Variants in SLITRK5 observed in about 807,000 individuals in gnomAD.
SLITRK5 encodes the protein SLIT and NTRK like family member 5.
SLITRK5 carries 23 observed loss-of-function variants against 56.2 expected under a neutral mutation model. The observed-to-expected ratio is 0.41, with a 90% CI of 0.29 to 0.58. The LOEUF (loss-of-function observed/expected upper bound fraction) is 0.58. SLITRK5 is among the 20% of genes least tolerant of loss of function. The probability of loss-of-function intolerance (pLI) is 0.30; values close to 1 mark genes in which losing one functional copy is unlikely to be tolerated. For synonymous variants in SLITRK5, 637 were observed against 531.8 expected (o/e 1.20, Z -2.72); for missense variants, 1,289 against 1,226.6 (o/e 1.05, Z -0.76).
In SLITRK5 at chr13:87,675,971, A is replaced by T. The variant is rs1877256564; in HGVS notation, c.583A>T (p.Asn195Tyr). ...CAATCTTTTGTCCAGTTTACCCAAC[A>T]ATCTTTTCCGTTTTGTGCCCTTAAC... ...NDNLLSSLPN[N>Y]LFRFVPLTHL... The change falls in exon 2 of 2, where the codon AAT (asparagine) becomes TAT (tyrosine). Residue 195 changes from asparagine to tyrosine, a missense_variant. This residue lies in a region of SLITRK5 where 291 missense variants were observed against 286.7 expected (regional missense o/e 1.02). Coordinates refer to ENST00000683689, the MANE Select transcript of SLITRK5 (RefSeq NM_001384609.1). 2 of 1,614,048 alleles carry T rather than the reference A, an allele frequency of 1.2e-6. No individual in the cohort carries two copies. Among genetic ancestry groups the T allele is most frequent in the Non-Finnish European group, 1.7e-6 (2 of 1,180,020 alleles).
In SLITRK5 at chr13:87,674,684, T is replaced by A. The variant is rs150451632; in HGVS notation, c.-8-697T>A. 1.4e-4 allele frequency among the ~76,000 whole-genome samples: 21 copies of A among 152,284 alleles called. No homozygotes were observed. In the East Asian group the frequency reaches 3.7e-3, roughly 27 times the overall value. On this transcript the variant is annotated intron_variant, in intron 1 of 1. Coordinates refer to ENST00000683689, the MANE Select transcript of SLITRK5 (RefSeq NM_001384609.1). Reference sequence around the variant, plus strand: ...AGGACGCTGATGTGCTTTAATAGCGTGGTAGTGAAGTCCACCATCAAAGCA... The same window carrying A: ...AGGACGCTGATGTGCTTTAATAGCGAGGTAGTGAAGTCCACCATCAAAGCA...
At position 87,677,425 on chromosome 13, in the gene SLITRK5, C is replaced by G; in HGVS notation, c.2037C>G (p.Phe679Leu). ...TGCTGGTTTTCATCATGTCCGTCTT[C>G]GTGGCCGCCGGGCTCTTCGTGCTGG... ...SLLLVFIMSV[F>L]VAAGLFVLVM... is the part of the protein sequence containing the mutation. The change falls in exon 2 of 2, where the codon TTC becomes TTG. Residue 679 changes from phenylalanine to leucine, a missense_variant. This residue lies in a region of SLITRK5 where 985 missense variants were observed against 906.0 expected (regional missense o/e 1.09). Coordinates refer to ENST00000683689, the MANE Select transcript of SLITRK5 (RefSeq NM_001384609.1). This position sits in a 1 kb window ranked among gnomAD's most constrained non-coding sequence, Gnocchi z 4.7. The G allele has an allele frequency of 6.2e-6, 10 of 1,613,444 alleles. No homozygotes were observed. The highest frequency in any genetic ancestry group is 8.5e-6 in the Non-Finnish European group (10 of 1,179,986).
In SLITRK5 at chr13:87,678,097, C is replaced by G. The variant is rs1331337483; in HGVS notation, c.2709C>G (p.His903Gln). 1.2e-6 allele frequency: 2 copies of G among 1,614,096 alleles called. No homozygotes were observed. The highest frequency in any genetic ancestry group is 1.3e-5 in the African/African-American group (1 of 74,948). The change falls in exon 2 of 2, where the codon CAC (histidine) becomes CAG (glutamine). Residue 903 changes from histidine to glutamine, a missense_variant. His to Gln is a conservative substitution (Grantham distance 24, BLOSUM62 0). Transcript: ENST00000683689. ...YDLRRPHQYL[H>Q]PGAGDSRLRE... ...TGAGACGCCCCCATCAGTATTTGCACCCGGGGGCAGGGGACAGCAGGCTAC... is the reference window on the plus strand; with the variant it reads ...TGAGACGCCCCCATCAGTATTTGCAGCCGGGGGCAGGGGACAGCAGGCTAC...
intron 1 of SLITRK5, chr13:87,673,675 A>G (rs1476406755): frequency 1.5e-5 from 7 of 478,936 alleles, no homozygotes; most frequent in Non-Finnish European, 2.8e-5. Context: ...TGCGAGGTTT[A>G]TGCACTGTGG....
In SLITRK5 at chr13:87,678,171, A is replaced by C; in HGVS notation, c.2783A>C (p.Asn928Thr). The C allele has an allele frequency of 6.2e-7, 1 of 1,614,204 alleles. No individual in the cohort carries two copies. Among genetic ancestry groups the C allele is most frequent in the Non-Finnish European group, 8.5e-7 (1 of 1,180,032 alleles). The change falls in exon 2 of 2, where the codon AAC becomes ACC. Residue 928 changes from asparagine to threonine, a missense_variant. Coordinates refer to ENST00000683689, the MANE Select transcript of SLITRK5 (RefSeq NM_001384609.1). ...SPPSAVFVEP[N>T]RNEYLELKAK... ...CCGAGTGCTGTCTTTGTAGAACCCA[A>C]CCGGAACGAATATCTGGAGTTAAAA...
Position 87,676,354 on chromosome 13 carries a change from T to A in SLITRK5, c.966T>A (p.Ala322=). ...SVNSVATSSS[A]VYKPPLKPPK... ...ATTCTGTGGCCACTTCTTCCTCTGC[T>A]GTTTACAAACCCCCTTTGAAGCCCC... Residue 322 remains alanine (A), a synonymous_variant, in exon 2 of 2, where the codon GCT becomes GCA. Transcript: ENST00000683689. 1 of 1,614,146 alleles carries A rather than the reference T, an allele frequency of 6.2e-7. No homozygotes were observed. Among genetic ancestry groups the A allele is most frequent in the South Asian group, 1.1e-5 (1 of 91,086 alleles).
chr13:87,674,555 G>C (rs1877187558), intron 1 of SLITRK5: 1 of 241,044 alleles, frequency 4.1e-6, no homozygotes, highest in African/African-American at 2.3e-5. Flanking sequence ...AACTATTTCA[G>C]TGGCTTAAAG....
In SLITRK5 at chr13:87,678,820, T is replaced by C; in HGVS notation, c.*555T>C. Reference sequence around the variant, plus strand: ...CCCTTCTCATTCCTTTTCTTTGTTTTTAAAGGATGTGTTTGTATGCATTCT... The same window carrying C: ...CCCTTCTCATTCCTTTTCTTTGTTTCTAAAGGATGTGTTTGTATGCATTCT... On this transcript the variant is annotated 3_prime_UTR_variant, in exon 2 of 2. Transcript: ENST00000683689. 6.0e-6 allele frequency: 1 copy of C among 167,138 alleles called. No individual in the cohort carries two copies. The highest frequency in any genetic ancestry group is 6.5e-5 in the Admixed American group (1 of 15,292). The allele number at this position is 167,138 out of a possible 1,614,324, so 10.4% of individuals were successfully genotyped here.
chr13:87,675,340 G>A (rs1877224116), intron 1 of SLITRK5, 41 bp from the exon 2 acceptor site: 4 of 1,465,962 alleles, frequency 2.7e-6, no homozygotes, highest in Non-Finnish European at 3.8e-6. Context: ...TTAAATTTTT[G>A]TCATATTCTG....
At chr13:87,673,226 G>GAATCTGAA (rs1877122024) in intron 1 of SLITRK5, among the ~76,000 whole-genome samples, 1 of 147,740 alleles carries the variant, frequency 6.8e-6, no homozygotes, top group Non-Finnish European at 1.5e-5. Context: ...GAGAATCTGA[G>GAATCTGAA]AATGTTCAGC....
rs9582390 is a variant in SLITRK5, at chr13:87,673,491, G to A, written c.-9+1282G>A. 2,324 of 641,638 alleles carry A rather than the reference G, an allele frequency of 3.6e-3. 38 individuals carry two copies. In the African/African-American group the frequency reaches 0.047, roughly 13 times the overall value. The allele number at this position is 641,638 out of a possible 1,614,324, so 39.7% of individuals were successfully genotyped here. A position where few individuals can be genotyped will look rare whatever the true frequency, so the allele number is the denominator to read the frequency against. On this transcript the variant is annotated intron_variant, in intron 1 of 1. Transcript: ENST00000683689. ...GGGGTGGGAGGTGAATGGGGGCGGG[G>A]AAGCACAGGGAGGGAGGGGGAGGGG...
rs1163775908 is a variant in SLITRK5, at chr13:87,676,658, G to C, written c.1270G>C (p.Val424Leu). ...TCTGACAGAGAACTACATCGCTGTC[G>C]TGCGCAGGACAGACTTCCTGGAGGC... The part of the protein sequence containing the change: ...MYLTENYIAV[V>L]RRTDFLEATG... Residue 424 changes from valine to leucine, a missense_variant, in exon 2 of 2, where the codon GTG becomes CTG. Around this residue, in one of 3 missense-constraint regions of SLITRK5, gnomAD observed 985 missense variants for 906.0 expected, o/e 1.09. Transcript: ENST00000683689. 2.5e-6 allele frequency: 4 copies of C among 1,613,930 alleles called. No homozygotes were observed. The highest frequency in any genetic ancestry group is 3.4e-6 in the Non-Finnish European group (4 of 1,179,996).
intron 1 of SLITRK5, among the ~76,000 whole-genome samples, chr13:87,674,005 CAA>C (rs1375492846): frequency 6.7e-5 from 8 of 119,596 alleles, no homozygotes; most frequent in African/African-American, 1.8e-4. Flanking sequence ...CGCGCACACA[CAA>C]ACACACACAC....
intron 1 of SLITRK5, among the ~76,000 whole-genome samples, chr13:87,675,007 GCTT>G (rs1345242290): frequency 4.0e-5 from 6 of 151,790 alleles, no homozygotes; most frequent in African/African-American, 1.5e-4. Context: ...GTAAAATGGT[GCTT>G]CTTTTTTCTT....
At chr13:87,673,465 T>A in intron 1 of SLITRK5, 1 of 533,392 alleles carries the variant, frequency 1.9e-6, no homozygotes. Flanking sequence ...GGCTTTCAGA[T>A]GGGGTGGGAG....
Position 87,676,465 on chromosome 13 carries a change from C to T in SLITRK5, c.1077C>T (p.Gly359=), listed in dbSNP as rs750660557. ...PSKDLGYSNY[G]PSIAYQTKSP... is the part of the protein sequence containing the mutation. ...AGGACTTGGGCTACAGCAACTATGG[C>T]CCCAGCATCGCCTATCAGACCAAAT... is the stretch of plus-strand genomic sequence containing the variant. The change falls in exon 2 of 2, where the codon GGC becomes GGT. Residue 359 remains glycine (G), a synonymous_variant. Coordinates refer to ENST00000683689, the MANE Select transcript of SLITRK5 (RefSeq NM_001384609.1). The T allele has an allele frequency of 2.5e-6, 4 of 1,613,966 alleles. No homozygotes were observed. The African/African-American group carries it at 5.3e-5, about 22-fold the overall frequency.
chr13:87,677,332 C>T lies in SLITRK5; in HGVS notation c.1944C>T (p.Ala648=). 3 of 1,614,118 alleles carry T rather than the reference C, an allele frequency of 1.9e-6. No individual in the cohort carries two copies. Among genetic ancestry groups the T allele is most frequent in the Non-Finnish European group, 2.5e-6 (3 of 1,180,010 alleles). Residue 648 remains alanine (A), a synonymous_variant, in exon 2 of 2, where the codon GCC becomes GCT. Transcript: ENST00000683689. This position sits in a 1 kb window ranked among gnomAD's most constrained non-coding sequence, Gnocchi z 4.7. ...TPAVRLNSTG[A]PASLGAGGGA... is the part of the protein sequence containing the mutation. ...CGGTCCGGTTGAATAGCACCGGGGC[C>T]CCCGCGAGCTTGGGCGCAGGCGGAG... is the stretch of plus-strand genomic sequence containing the variant.
rs546718304 is a variant in SLITRK5, at chr13:87,677,523, T to A, written c.2135T>A (p.Met712Lys). Residue 712 changes from methionine (M) to lysine (K), a missense_variant, in exon 2 of 2, where the codon ATG becomes AAG. Physicochemically the swap from Met to Lys is moderately conservative, Grantham distance 95. Transcript: ENST00000683689. The surrounding 1 kb of genome is among the most constrained non-coding windows in gnomAD (Gnocchi z 4.7). Reference protein sequence around the residue: ...TNNSDVSSFNMQYSVYGGGGG... With the variant: ...TNNSDVSSFNKQYSVYGGGGG... ...AACTCCGACGTGAGCTCCTTTAACA[T>A]GCAGTACAGCGTGTACGGCGGCGGC... 1.2e-6 allele frequency: 2 copies of A among 1,611,782 alleles called. No individual in the cohort carries two copies. Among genetic ancestry groups the A allele is most frequent in the South Asian group, 2.2e-5 (2 of 91,072 alleles).
rs1877048878 is a variant in SLITRK5 at position 87,671,961 on chromosome 13, T to G, written c.-257T>G. On this transcript the variant is annotated 5_prime_UTR_variant, in exon 1 of 2. Coordinates refer to ENST00000683689, the MANE Select transcript of SLITRK5 (RefSeq NM_001384609.1). ...CTCGCCCCCTCACTACCATGTACAG[T>G]GTGCGCTGCAAGAAGAAGGCGGGAG... 6.6e-6 allele frequency among the ~76,000 whole-genome samples: 1 copy of G among 151,980 alleles called. No homozygotes were observed. The highest frequency in any genetic ancestry group is 6.5e-5 in the Admixed American group (1 of 15,276).
Sources: gnomAD v4.1 joint callset for allele counts (sites outside exome capture counted in the v4.1 genomes callset) on GRCh38, gnomAD v4.1.1 for gene constraint, gnomAD v4.1.1 regional missense constraint, Gnocchi (gnomAD v3.1) non-coding constraint, MANE v1.5 for transcripts, NCBI Gene and HGNC (gene_info 2026-07-23, HGNC 2026-07-21) for gene names.